The following CHRNA2 variants were observed in gnomAD, a reference collection of about 807,000 sequenced individuals.
CHRNA2 encodes neuronal acetylcholine receptor subunit alpha-2.
In CHRNA2, 40 loss-of-function variants were observed where a neutral mutation model predicts 45.5. The ratio of observed to expected loss-of-function variants is 0.88; its 90% CI spans 0.68 to 1.15. The LOEUF (loss-of-function observed/expected upper bound fraction) is 1.15. Ranked by LOEUF, CHRNA2 falls within the 50% of genes most tolerant of loss-of-function variation. The probability of loss-of-function intolerance (pLI) is 0.00; values close to 1 mark genes in which losing one functional copy is unlikely to be tolerated. For synonymous variants in CHRNA2, 301 were observed against 296.7 expected (o/e 1.01, Z -0.15); for missense variants, 655 against 701.7 (o/e 0.93, Z 0.75).
intron 1 of CHRNA2, among the ~76,000 whole-genome samples, chr8:27,474,229 A>T (rs573583638): frequency 3.9e-4 from 59 of 152,240 alleles, no homozygotes; most frequent in Admixed American, 1.1e-3. Context: ...TTTGATGTGA[A>T]TTTCAATGTG....
chr8:27,461,118 C>G lies in CHRNA2; in HGVS notation c.*511G>C, dbSNP rs2292977. 152,437 of 182,446 alleles carry G rather than the reference C, an allele frequency of 0.84. 64,328 individuals carry two copies. The highest frequency in any genetic ancestry group is 0.94 in the Middle Eastern group (346 of 368). 11.3% of individuals were successfully genotyped at this position (182,446 alleles called of 1,614,324 possible). A position where few individuals can be genotyped will look rare whatever the true frequency, so the allele number is the denominator to read the frequency against. On this transcript the variant is annotated 3_prime_UTR_variant, in exon 7 of 7. Coordinates refer to ENST00000407991, the MANE Select transcript of CHRNA2 (RefSeq NM_000742.4). ...CAAACTTCAACCCCAGCCTGACTTA[C>G]AGAGACCTCACCTGGCTCTCCAACC...
Position 27,467,436 on chromosome 8 carries a change from C to T in CHRNA2, c.340-98G>A, listed in dbSNP as rs928273961. On this transcript the variant is annotated intron_variant, in intron 4 of 6. Transcript: ENST00000407991. ...GGATGCCCAGAATTGGGCCAAGCAG[C>T]CCCCTTGGAGCAGCCAGGGCTCCCC... 6.3e-6 allele frequency: 6 copies of T among 948,714 alleles called. 1 individual carries two copies. Among genetic ancestry groups the T allele is most frequent in the South Asian group, 4.2e-5 (3 of 71,460 alleles). The allele number at this position is 948,714 out of a possible 1,614,324, so 58.8% of individuals were successfully genotyped here.
Position 27,463,730 on chromosome 8 carries a change from C to A in CHRNA2, c.713G>T (p.Gly238Val). ...GTCGTACTTCTTGCTGTTGTAGGTG[C>A]CCGTGGCATTGACGATGGCCCACTC... is the stretch of plus-strand genomic sequence containing the variant. Reference protein sequence around the residue: ...SGEWAIVNATGTYNSKKYDCC... With the variant: ...SGEWAIVNATVTYNSKKYDCC... The change falls in exon 6 of 7, where the codon GGC becomes GTC. Residue 238 changes from glycine to valine, a missense_variant. Physicochemically the swap from Gly to Val is moderately radical, Grantham distance 109. Coordinates refer to ENST00000407991, the MANE Select transcript of CHRNA2 (RefSeq NM_000742.4). The surrounding 1 kb of genome is among the most constrained non-coding windows in gnomAD (Gnocchi z 6.1). 3.1e-6 allele frequency: 5 copies of A among 1,613,944 alleles called. No individual in the cohort carries two copies. Among genetic ancestry groups the A allele is most frequent in the Non-Finnish European group, 4.2e-6 (5 of 1,179,976 alleles).
chr8:27,464,106 C>T, intron 5 of CHRNA2, 113 bp from the exon 6 acceptor site: 1 of 1,220,346 alleles, frequency 8.2e-7, no homozygotes, highest in South Asian at 1.3e-5. Flanking sequence ...CCCGGCCACA[C>T]TGGCGGGGTT....
Position 27,460,071 on chromosome 8 carries a change from AT to A in CHRNA2, c.*1557del, listed in dbSNP as rs1812418237. On this transcript the variant is annotated 3_prime_UTR_variant, in exon 7 of 7. Coordinates refer to ENST00000407991, the MANE Select transcript of CHRNA2 (RefSeq NM_000742.4). Reference sequence around the variant, plus strand: ...TCCCCTGAGAGTGTCAGGGAGAGACATTTTGGGGTTTGGAAGGAGGGGACCC... The same window carrying A: ...TCCCCTGAGAGTGTCAGGGAGAGACATTTGGGGTTTGGAAGGAGGGGACCC... 2 of 152,424 alleles carry A rather than the reference AT, an allele frequency of 1.3e-5. No homozygotes were observed. The highest frequency in any genetic ancestry group is 4.1e-4 in the South Asian group (2 of 4,824). 9.4% of individuals were successfully genotyped at this position (152,424 alleles called of 1,614,324 possible).
Position 27,463,270 on chromosome 8 carries a change from G to T in CHRNA2, c.1173C>A (p.His391Gln), listed in dbSNP as rs183676062. Residue 391 changes from histidine (H) to glutamine (Q), a missense_variant, in exon 6 of 7, where the codon CAC becomes CAA. This residue lies in a region of CHRNA2 where 295 missense variants were observed against 280.4 expected (regional missense o/e 1.05). Coordinates refer to ENST00000407991, the MANE Select transcript of CHRNA2 (RefSeq NM_000742.4). The surrounding 1 kb of genome is among the most constrained non-coding windows in gnomAD (Gnocchi z 6.1). ...NRPPPPVELC[H>Q]PLRLKLSPSY... ...AGGGGCTGAGCTTCAGGCGTAGGGG[G>T]TGGCAGAGCTCCACGGGTGGTGGGG... 17 of 1,606,668 alleles carry T rather than the reference G, an allele frequency of 1.1e-5. No homozygotes were observed. The African/African-American group carries it at 2.3e-4, about 21-fold the overall frequency.
At chr8:27,470,595 G>A (rs1439174288) in intron 2 of CHRNA2, among the ~76,000 whole-genome samples, 4 of 152,186 alleles carry the variant, frequency 2.6e-5, no homozygotes, top group Non-Finnish European at 4.4e-5. Flanking sequence ...CTGTCCGAGC[G>A]AGTCGAGAAC....
chr8:27,468,619 G>T (rs947047930), intron 4 of CHRNA2, among the ~76,000 whole-genome samples: 3 of 152,308 alleles, frequency 2.0e-5, no homozygotes, highest in African/African-American at 7.2e-5. Context: ...GATGCCTGAA[G>T]GGGGCGAAGG....
At chr8:27,470,811 A>G (rs1812856300) in intron 2 of CHRNA2, among the ~76,000 whole-genome samples, 175 bp downstream of exon 2, 1 of 152,254 alleles carries the variant, frequency 6.6e-6, no homozygotes, top group Non-Finnish European at 1.5e-5. Flanking sequence ...TGCTAACGTC[A>G]GAGCTGTGAC....
Position 27,470,972 on chromosome 8 carries a change from T to C in CHRNA2, c.73+14A>G, listed in dbSNP as rs201177648. ...TGAGATGAAGTCTTACAATGACAGG[T>C]GACAAACACTCACCTGCTGGGGTCA... is the stretch of plus-strand genomic sequence containing the variant. On this transcript the variant is annotated intron_variant, in intron 2 of 6. Coordinates refer to ENST00000407991, the MANE Select transcript of CHRNA2 (RefSeq NM_000742.4). The C allele has an allele frequency of 1.9e-6, 3 of 1,613,568 alleles. No individual in the cohort carries two copies. The East Asian group carries it at 6.7e-5, about 36-fold the overall frequency.
intron 3 of CHRNA2, 120 bp from the exon 4 acceptor site, chr8:27,469,499 G>T: frequency 1.8e-6 from 2 of 1,105,092 alleles, no homozygotes; most frequent in South Asian, 2.7e-5. Context: ...CAGCCCGCCC[G>T]CCACCCACTC....
At chr8:27,473,737 CG>C (rs34001647) in intron 1 of CHRNA2, among the ~76,000 whole-genome samples, 1 of 152,074 alleles carries the variant, frequency 6.6e-6, no homozygotes, top group Non-Finnish European at 1.5e-5. Context: ...AGTAAACCAC[CG>C]GGTATGAGAG....
At chr8:27,464,128 G>T in intron 5 of CHRNA2, 135 bp from the exon 6 acceptor site, 1 of 943,900 alleles carries the variant, frequency 1.1e-6, no homozygotes, top group Non-Finnish European at 1.7e-6. Context: ...ATTTATGCAA[G>T]TGTGTAAGTC....
At chr8:27,478,265 A>G (rs547351177) in intron 1 of CHRNA2, among the ~76,000 whole-genome samples, 3 of 152,290 alleles carry the variant, frequency 2.0e-5, no homozygotes, top group African/African-American at 4.8e-5. Context: ...GGGGCTAGAG[A>G]GTGTAATTCT....
At chr8:27,471,793 T>C (rs568296553) in intron 1 of CHRNA2, among the ~76,000 whole-genome samples, 1 of 152,340 alleles carries the variant, frequency 6.6e-6, no homozygotes, top group South Asian at 2.1e-4. Context: ...TCTCCTGGAA[T>C]ACAACTCCTA....
At chr8:27,469,596 TG>T in intron 3 of CHRNA2, 164 bp downstream of exon 3, 1 of 918,636 alleles carries the variant, frequency 1.1e-6, no homozygotes, top group Non-Finnish European at 1.7e-6. Context: ...GCTCCAGAGC[TG>T]GGAGAGGGGA....
chr8:27,475,095 A>G (rs959872702), intron 1 of CHRNA2: 3 of 152,172 alleles, frequency 2.0e-5, no homozygotes, highest in Non-Finnish European at 4.4e-5. Context: ...GCATTTTCCA[A>G]ATTTCCCACT....
At chr8:27,465,167 G>A (rs942960700) in intron 5 of CHRNA2, among the ~76,000 whole-genome samples, 2 of 152,150 alleles carry the variant, frequency 1.3e-5, no homozygotes, top group African/African-American at 4.8e-5. Flanking sequence ...GGGGACACTG[G>A]AATAGTGGTG....
chr8:27,469,620 C>T, intron 3 of CHRNA2, 141 bp downstream of exon 3: 3 of 1,098,796 alleles, frequency 2.7e-6, no homozygotes, highest in Non-Finnish European at 2.7e-6. Flanking sequence ...GCGTAGCCGC[C>T]CTGGGAAGAG....
Sources: allele counts gnomAD v4.1 joint callset (sites outside exome capture counted in the v4.1 genomes callset), GRCh38; gene constraint gnomAD v4.1.1; regional missense constraint gnomAD v4.1.1; non-coding constraint Gnocchi (gnomAD v3.1); transcripts MANE v1.5; gene names NCBI Gene and HGNC (gene_info 2026-07-23, HGNC 2026-07-21).